C16orf96: variants seen among roughly 807,000 people sequenced by gnomAD.
C16orf96 encodes chromosome 16 open reading frame 96, also known as uncharacterized protein C16orf96.
In C16orf96, 108 loss-of-function variants were observed where a neutral mutation model predicts 103.6. The ratio of observed to expected loss-of-function variants is 1.04; its 90% CI spans 0.89 to 1.22. The LOEUF (loss-of-function observed/expected upper bound fraction) is 1.22. Among genes scored for constraint, C16orf96 ranks in the 50% most tolerant of loss-of-function variants. The pLI is 0.00. For synonymous variants in C16orf96, 566 were observed against 593.5 expected (o/e 0.95, Z 0.67); for missense variants, 1,586 against 1,464.2 (o/e 1.08, Z -1.36).
chr16:4,580,310 A>ACCCCACC, intron 7 of C16orf96, among the ~76,000 whole-genome samples, 185 bp downstream of exon 7: 1 of 104,506 alleles, frequency 9.6e-6, no homozygotes, highest in Non-Finnish European at 2.0e-5. Context: ...GAATCCCACC[A>ACCCCACC]CCCCCCCCCA....
the C16orf96 span, among the ~76,000 whole-genome samples, chr16:4,543,829 A>G: frequency 6.6e-6 from 1 of 151,920 alleles, no homozygotes; most frequent in African/African-American, 2.4e-5. Context: ...TTTAGTAGAG[A>G]CAGGGTTTCA....
intron 9 of C16orf96, among the ~76,000 whole-genome samples, chr16:4,589,318 C>A (rs1897002734): frequency 6.6e-6 from 1 of 151,992 alleles, no homozygotes; most frequent in Non-Finnish European, 1.5e-5. Context: ...GTGGCTCACG[C>A]CTGTTATCCC....
At chr16:4,559,499 G>A (rs767961383) in intron 1 of C16orf96, among the ~76,000 whole-genome samples, 18 of 151,758 alleles carry the variant, frequency 1.2e-4, no homozygotes, top group Admixed American at 9.9e-4. Context: ...TCTAGTGGGC[G>A]GAGATTGCGC....
At chr16:4,599,821 G>A (rs1188644225) in intron 15 of C16orf96, among the ~76,000 whole-genome samples, 2 of 152,218 alleles carry the variant, frequency 1.3e-5, no homozygotes, top group Non-Finnish European at 2.9e-5. Flanking sequence ...AGTGAGCTGG[G>A]AGCTGAGCCC....
chr16:4,542,130 G>A, the C16orf96 span, among the ~76,000 whole-genome samples: 5 of 152,190 alleles, frequency 3.3e-5, no homozygotes, highest in Non-Finnish European at 7.3e-5. Context: ...CCAACATTTT[G>A]GGAGATTGAG....
Position 4,556,773 on chromosome 16 carries a change from T to C in C16orf96, c.284T>C (p.Leu95Pro). The C allele has an allele frequency of 1.3e-6, 2 of 1,551,704 alleles. No individual in the cohort carries two copies. The highest frequency in any genetic ancestry group is 1.7e-6 in the Non-Finnish European group (2 of 1,146,994). Reference sequence around the variant, plus strand: ...CGCCTCGACAAGTTGGAGAACCAGCTGGCCCTGCTGCAGGACCTGCCCTCC... The same window carrying C: ...CGCCTCGACAAGTTGGAGAACCAGCCGGCCCTGCTGCAGGACCTGCCCTCC... ...VSRLDKLENQ[L>P]ALLQDLPSTA... The change falls in exon 1 of 16, where the codon CTG (leucine) becomes CCG (proline). Residue 95 changes from leucine to proline, a missense_variant. Coordinates refer to ENST00000444310, the MANE Select transcript of C16orf96 (RefSeq NM_001145011.2).
At chr16:4,549,867 T>C in the C16orf96 span, among the ~76,000 whole-genome samples, 2 of 152,134 alleles carry the variant, frequency 1.3e-5, no homozygotes, top group Non-Finnish European at 2.9e-5. Context: ...CCGACTCCCC[T>C]TCGCCTTCCA....
In C16orf96 at chr16:4,575,190, C is replaced by A. The variant is rs769192653; in HGVS notation, c.710C>A (p.Pro237Gln). ...CTTCTGCAGGAAATTGGTTCATCAC[C>A]ACTGGACCTGTGGCAGTCTGTAGAG... ...AMFTSEIGSS[P>Q]LDLWQSVEQL... Residue 237 changes from proline (P) to glutamine (Q), a missense_variant, in exon 5 of 16, where the codon CCA becomes CAA. Coordinates refer to ENST00000444310, the MANE Select transcript of C16orf96 (RefSeq NM_001145011.2). 6.5e-7 allele frequency: 1 copy of A among 1,546,578 alleles called. No individual in the cohort carries two copies. Among genetic ancestry groups the A allele is most frequent in the African/African-American group, 1.4e-5 (1 of 73,056 alleles).
At position 4,576,920 on chromosome 16, in the gene C16orf96, G is replaced by C. The variant is rs1596526602; in HGVS notation, c.2155+285G>C. On this transcript the variant is annotated intron_variant, in intron 5 of 15. Transcript: ENST00000444310. ...CTCAAAAACTCTTGTGGCCAGGCGT[G>C]GTGGCTCCCACCTGTAATCCCAGCA... Among the ~76,000 whole-genome samples the C allele has an allele frequency of 2.0e-5, 3 of 152,314 alleles. No individual in the cohort carries two copies. The East Asian group carries it at 5.8e-4, about 29-fold the overall frequency.
In C16orf96 at chr16:4,575,576, C is replaced by T; in HGVS notation, c.1096C>T (p.Pro366Ser). 6.6e-7 allele frequency: 1 copy of T among 1,524,928 alleles called. No homozygotes were observed. The highest frequency in any genetic ancestry group is 8.8e-7 in the Non-Finnish European group (1 of 1,136,864). The allele number at this position is 1,524,928 out of a possible 1,614,324, so 94.5% of individuals were successfully genotyped here. ...TGTGACACCTGGGTCCTTGCCAGCA[C>T]CTTGGCCTGTGCTTGGACCTGTGCC... Reference protein sequence around the residue: ...PSVTPGSLPAPWPVLGPVPAP... With the variant: ...PSVTPGSLPASWPVLGPVPAP... Residue 366 changes from proline to serine, a missense_variant, in exon 5 of 16, where the codon CCT becomes TCT. Transcript: ENST00000444310.
At chr16:4,559,307 C>T (rs1228869960) in intron 1 of C16orf96, among the ~76,000 whole-genome samples, 1 of 151,974 alleles carries the variant, frequency 6.6e-6, no homozygotes, top group Non-Finnish European at 1.5e-5. Flanking sequence ...CTTTGGGAGG[C>T]CGAGGCAGGT....
chr16:4,562,054 T>A (rs2059337964), intron 1 of C16orf96, among the ~76,000 whole-genome samples: 1 of 152,156 alleles, frequency 6.6e-6, no homozygotes, highest in South Asian at 2.1e-4. Context: ...AACTTATTGG[T>A]CTTTTTGAGG....
chr16:4,549,911 A>G, the C16orf96 span, among the ~76,000 whole-genome samples: 595 of 152,256 alleles, frequency 3.9e-3, 5 homozygotes, highest in African/African-American at 0.014. Context: ...CACCAGGAGC[A>G]GATGTTGGCG....
At chr16:4,592,652 C>T (rs1897086132) in intron 11 of C16orf96, among the ~76,000 whole-genome samples, 2 of 152,224 alleles carry the variant, frequency 1.3e-5, no homozygotes, top group African/African-American at 4.8e-5. Context: ...ACAGGGTTCC[C>T]CAGCCTTCAA....
In C16orf96 at chr16:4,556,571, C is replaced by T; in HGVS notation, c.82C>T (p.Leu28Phe). 1 of 1,551,708 alleles carries T rather than the reference C, an allele frequency of 6.4e-7. No homozygotes were observed. The highest frequency in any genetic ancestry group is 1.2e-5 in the South Asian group (1 of 84,064). ...CGVLNFKALHLLLHGILEHIH... is the reference protein window; with the variant it reads ...CGVLNFKALHFLLHGILEHIH... ...GGTGCTGAACTTCAAGGCCCTGCAC[C>T]TCCTGCTGCACGGCATCTTGGAGCA... Residue 28 changes from leucine (L) to phenylalanine (F), a missense_variant, in exon 1 of 16, where the codon CTC (leucine) becomes TTC (phenylalanine). Physicochemically the swap from Leu to Phe is conservative, Grantham distance 22 (BLOSUM62 0). Coordinates refer to ENST00000444310, the MANE Select transcript of C16orf96 (RefSeq NM_001145011.2).
intron 2 of C16orf96, among the ~76,000 whole-genome samples, chr16:4,572,003 C>T (rs1404508841): frequency 6.6e-6 from 1 of 151,910 alleles, no homozygotes; most frequent in Non-Finnish European, 1.5e-5. Flanking sequence ...GCACGCACCA[C>T]CACATCTGGG....
upstream of C16orf96, among the ~76,000 whole-genome samples, chr16:4,555,629 C>A (rs900681656): frequency 2.0e-5 from 3 of 152,020 alleles, no homozygotes; most frequent in South Asian, 2.1e-4. Flanking sequence ...CCTTGGCCTC[C>A]CAGAGTGCTG....
chr16:4,594,572 T>C lies in C16orf96; in HGVS notation c.3027+62T>C, dbSNP rs1298102582. On this transcript the variant is annotated intron_variant, in intron 13 of 15. Coordinates refer to ENST00000444310, the MANE Select transcript of C16orf96 (RefSeq NM_001145011.2). Reference sequence around the variant, plus strand: ...CGTCAGCGCACCCCAGCCCCAGGTGTGGGACCAGGCACTGAGCAGTGGGCA... The same window carrying C: ...CGTCAGCGCACCCCAGCCCCAGGTGCGGGACCAGGCACTGAGCAGTGGGCA... 3 of 1,542,544 alleles carry C rather than the reference T, an allele frequency of 1.9e-6. No homozygotes were observed. The Admixed American group carries it at 5.9e-5, about 30-fold the overall frequency.
At chr16:4,546,411 G>C in the C16orf96 span, among the ~76,000 whole-genome samples, 1 of 149,732 alleles carries the variant, frequency 6.7e-6, no homozygotes, top group Non-Finnish European at 1.5e-5. Context: ...GCCTGCCTCG[G>C]CCTCCCAGAG....
Sources: allele counts gnomAD v4.1 joint callset (sites outside exome capture counted in the v4.1 genomes callset), GRCh38; gene constraint gnomAD v4.1.1; transcripts MANE v1.5; gene names NCBI Gene and HGNC (gene_info 2026-07-23, HGNC 2026-07-21).